The following SLC26A7 variants were observed in gnomAD, a reference collection of about 807,000 sequenced individuals.
The protein encoded by SLC26A7 is anion exchange transporter.
SLC26A7 carries 59 observed loss-of-function variants against 82.5 expected under a neutral mutation model. The ratio of observed to expected loss-of-function variants is 0.72; its 90% CI spans 0.58 to 0.89. SLC26A7 has a LOEUF of 0.89. SLC26A7 is among the 40% of genes least tolerant of loss of function. SLC26A7 has a pLI of 0.00. For synonymous variants in SLC26A7, 271 were observed against 274.3 expected, an observed-to-expected ratio of 0.99 and a Z score of 0.12; for missense variants, 820 against 793.0, an observed-to-expected ratio of 1.03 and a Z score of -0.41.
intron 2 of SLC26A7, 115 bp from the exon 3 acceptor site, chr8:91,289,021 G>A (rs4734009): frequency 0.62 from 411,205 of 665,480 alleles, 133,044 homozygotes; most frequent in South Asian, 0.67. Context: ...TGTTGAGCAA[G>A]TAGAATAAAG....
In SLC26A7 at chr8:91,343,608, C is replaced by A. The variant is rs988569070; in HGVS notation, c.1140+142C>A. Reference sequence around the variant, plus strand: ...TTTTTCTAAGTTGTTTTAAGAAAGTCCTTCTCTCTCTCATCTCTATCCCAT... The same window carrying A: ...TTTTTCTAAGTTGTTTTAAGAAAGTACTTCTCTCTCTCATCTCTATCCCAT... On this transcript the variant is annotated intron_variant, in intron 9 of 18. Transcript: ENST00000276609. 3.5e-5 allele frequency: 20 copies of A among 566,840 alleles called. No homozygotes were observed. The South Asian group carries it at 5.5e-4, about 16-fold the overall frequency. 35.1% of individuals were successfully genotyped at this position (566,840 alleles called of 1,614,324 possible). A position where few individuals can be genotyped will look rare whatever the true frequency, so the allele number is the denominator to read the frequency against.
intron 11 of SLC26A7, 33 bp from the exon 12 acceptor site, chr8:91,362,320 A>G: frequency 6.5e-7 from 1 of 1,535,390 alleles, no homozygotes. Flanking sequence ...ATTCCAAAGG[A>G]TTCACAACTT....
At chr8:91,336,777 G>A (rs1813256377) in intron 6 of SLC26A7, among the ~76,000 whole-genome samples, 1 of 152,060 alleles carries the variant, frequency 6.6e-6, no homozygotes, top group Admixed American at 6.6e-5. Context: ...GGCTAATTCA[G>A]TGAGTTAGAG....
chr8:91,271,103 G>A (rs10956799), intron 2 of SLC26A7, among the ~76,000 whole-genome samples: 3,543 of 152,190 alleles, frequency 0.023, 149 homozygotes, highest in African/African-American at 0.08. Context: ...TCTTGCATGT[G>A]TACTTCTCAT....
chr8:91,298,292 T>C (rs576359354), intron 4 of SLC26A7, among the ~76,000 whole-genome samples: 11 of 152,330 alleles, frequency 7.2e-5, no homozygotes, highest in Non-Finnish European at 8.8e-5. Context: ...TCCACTTCTT[T>C]ACTTGACTTA....
chr8:91,289,727 A>G (rs144619519), intron 3 of SLC26A7, among the ~76,000 whole-genome samples: 1,593 of 152,338 alleles, frequency 0.01, 19 homozygotes, highest in African/African-American at 0.036. Flanking sequence ...AAGACTACAT[A>G]AAATATAGCT....
intron 4 of SLC26A7, among the ~76,000 whole-genome samples, chr8:91,309,748 T>G (rs1462556907): frequency 6.6e-6 from 1 of 152,102 alleles, no homozygotes; most frequent in Non-Finnish European, 1.5e-5. Context: ...ACCTTTTGAC[T>G]TGGGGTTTTA....
chr8:91,265,772 C>T (rs1460686786), intron 2 of SLC26A7, among the ~76,000 whole-genome samples: 5 of 151,682 alleles, frequency 3.3e-5, no homozygotes, highest in Admixed American at 2.6e-4. Context: ...TGTGTGCGCA[C>T]GCGCCTTTCT....
intron 6 of SLC26A7, among the ~76,000 whole-genome samples, chr8:91,337,886 A>G (rs1479325403): frequency 6.6e-6 from 1 of 152,140 alleles, no homozygotes; most frequent in Non-Finnish European, 1.5e-5. Flanking sequence ...TCAAAATTGG[A>G]CATAATTGGG....
intron 2 of SLC26A7, among the ~76,000 whole-genome samples, chr8:91,282,797 A>G (rs1586360355): frequency 6.6e-6 from 1 of 152,206 alleles, no homozygotes; most frequent in Non-Finnish European, 1.5e-5. Context: ...TTTGCTGAGC[A>G]TACCAAATGG....
chr8:91,270,435 G>T (rs541760779), intron 2 of SLC26A7, among the ~76,000 whole-genome samples: 1 of 152,310 alleles, frequency 6.6e-6, no homozygotes, highest in South Asian at 2.1e-4. Flanking sequence ...CAGAGCTGCA[G>T]TGCTTTCCAG....
chr8:91,333,458 A>G (rs1197845188), intron 5 of SLC26A7, among the ~76,000 whole-genome samples: 1 of 152,076 alleles, frequency 6.6e-6, no homozygotes, highest in Non-Finnish European at 1.5e-5. Context: ...CTCCCCTCAC[A>G]TTTTATGCTG....
chr8:91,338,225 C>A lies in SLC26A7; in HGVS notation c.871C>A (p.Pro291Thr). The change falls in exon 7 of 19, where the codon CCA becomes ACA. Residue 291 changes from proline to threonine, a missense_variant. Pro to Thr is a conservative substitution (Grantham distance 38, BLOSUM62 -1). Coordinates refer to ENST00000276609, the MANE Select transcript of SLC26A7 (RefSeq NM_052832.4). ...TYGLEVVGHI[P>T]QGIPSPRAPP... The stretch of plus-strand genomic sequence containing the variant: ...TGGATTAGAAGTAGTTGGTCATATT[C>A]CACAAGGGTAATGTAGTCCTTTTTA... 6.2e-7 allele frequency: 1 copy of A among 1,601,262 alleles called. No homozygotes were observed. The highest frequency in any genetic ancestry group is 2.2e-5 in the East Asian group (1 of 44,512).
chr8:91,312,922 T>G (rs1324720327), intron 4 of SLC26A7, among the ~76,000 whole-genome samples: 1 of 152,172 alleles, frequency 6.6e-6, no homozygotes, highest in Non-Finnish European at 1.5e-5. Context: ...TTGCAAATGT[T>G]TTCTCCCATT....
intron 5 of SLC26A7, among the ~76,000 whole-genome samples, chr8:91,321,879 C>T (rs1037569720): frequency 1.4e-4 from 20 of 145,434 alleles, no homozygotes; most frequent in African/African-American, 4.4e-4. Flanking sequence ...AGCTAATGAC[C>T]GAGTGTCTTT....
chr8:91,288,792 C>T lies in SLC26A7; in HGVS notation c.194-344C>T, dbSNP rs1024739417. 2.6e-5 allele frequency among the ~76,000 whole-genome samples: 4 copies of T among 152,290 alleles called. No individual in the cohort carries two copies. The South Asian group carries it at 6.2e-4, about 24-fold the overall frequency. On this transcript the variant is annotated intron_variant, in intron 2 of 18. Coordinates refer to ENST00000276609, the MANE Select transcript of SLC26A7 (RefSeq NM_052832.4). Reference sequence around the variant, plus strand: ...ATGCTATTGTGCACATAAAATTATACATGTGAAATGCTTCTAAAATTTTAG... The same window carrying T: ...ATGCTATTGTGCACATAAAATTATATATGTGAAATGCTTCTAAAATTTTAG...
At chr8:91,219,147 C>A in intron 2 of SLC26A7, 1 of 414,434 alleles carries the variant, frequency 2.4e-6, no homozygotes, top group East Asian at 3.6e-5. Flanking sequence ...ATAACGTTCC[C>A]AATCTAAGCA....
intron 2 of SLC26A7, among the ~76,000 whole-genome samples, chr8:91,231,846 A>G (rs540476962): frequency 1.2e-4 from 18 of 152,032 alleles, no homozygotes; most frequent in Non-Finnish European, 2.5e-4. Flanking sequence ...TTGTTTCTTT[A>G]CCACGGCTAG....
intron 3 of SLC26A7, among the ~76,000 whole-genome samples, chr8:91,292,258 A>ATGGC (rs901106684): frequency 2.0e-5 from 3 of 151,276 alleles, no homozygotes; most frequent in Non-Finnish European, 2.9e-5. Context: ...GTGAGCCGAG[A>ATGGC]TGGCGCCACT....
Sources: allele counts gnomAD v4.1 joint callset (sites outside exome capture counted in the v4.1 genomes callset), GRCh38; gene constraint gnomAD v4.1.1; transcripts MANE v1.5; gene names NCBI Gene and HGNC (gene_info 2026-07-23, HGNC 2026-07-21).